The following KALRN variants were observed in gnomAD, a reference collection of about 807,000 sequenced individuals.
KALRN encodes the protein kalirin.
A neutral mutation model predicts 353.7 loss-of-function variants in KALRN; 70 were observed. That is an observed-to-expected ratio of 0.20 (90% CI 0.16 to 0.24). The LOEUF (loss-of-function observed/expected upper bound fraction) is 0.24, where lower values mean the gene tolerates loss of function less well. Among genes scored for constraint, KALRN ranks in the 10% least tolerant of loss-of-function variants. The pLI is 1.00. For missense variants in KALRN, 2,791 were observed against 3,756.7 expected (o/e 0.74, Z 6.72); for synonymous variants, 1,391 against 1,434.8 (o/e 0.97, Z 0.69).
intron 1 of KALRN, among the ~76,000 whole-genome samples, chr3:124,146,114 A>G (rs538864599): frequency 6.6e-6 from 1 of 152,326 alleles, no homozygotes; most frequent in East Asian, 1.9e-4. Flanking sequence ...AATTAAAACC[A>G]ATATCCAAAA....
At position 124,462,633 on chromosome 3, in the gene KALRN, A is replaced by C; in HGVS notation, c.4031A>C (p.Asn1344Thr). ...NIQEIYDFHN[N>T]IFLKELEKYE... The stretch of plus-strand genomic sequence containing the variant: ...CAAGAGATCTACGATTTCCATAACA[A>C]GTAGGTTTGTGGAGGGTCTCAGAGG... Residue 1344 changes from asparagine to threonine, a missense_variant and splice_region_variant, in exon 25 of 60, where the codon AAC becomes ACC. Physicochemically the swap from Asn to Thr is moderately conservative, Grantham distance 65 (BLOSUM62 0). Transcript: ENST00000682506. The C allele has an allele frequency of 6.3e-7, 1 of 1,582,108 alleles. No homozygotes were observed. Among genetic ancestry groups the C allele is most frequent in the Non-Finnish European group, 8.7e-7 (1 of 1,151,000 alleles).
intron 25 of KALRN, among the ~76,000 whole-genome samples, chr3:124,469,490 TG>T (rs1350835298): frequency 1.3e-5 from 2 of 152,234 alleles, no homozygotes; most frequent in African/African-American, 4.8e-5. Flanking sequence ...TTAGCCCCTA[TG>T]GTCTAGAGCC....
intron 27 of KALRN, among the ~76,000 whole-genome samples, chr3:124,477,654 A>G (rs2108101677): frequency 6.6e-6 from 1 of 152,298 alleles, no homozygotes; most frequent in Admixed American, 6.5e-5. Context: ...CTTCTGCTTC[A>G]TATACAGCTC....
At chr3:124,132,585 C>T (rs1164841281) in intron 1 of KALRN, among the ~76,000 whole-genome samples, 1 of 152,204 alleles carries the variant, frequency 6.6e-6, no homozygotes, top group African/African-American at 2.4e-5. Flanking sequence ...TCTTCTTTTA[C>T]ACACGGCAGG....
chr3:124,660,842 AT>A (rs2084775039), intron 43 of KALRN, 80 bp from the exon 44 acceptor site: 1 of 982,596 alleles, frequency 1.0e-6, no homozygotes, highest in Non-Finnish European at 1.6e-6. Context: ...GTGTTATTGT[AT>A]TTTTATGATA....
chr3:124,222,829 T>G (rs1000446189), intron 1 of KALRN, among the ~76,000 whole-genome samples: 1 of 152,104 alleles, frequency 6.6e-6, no homozygotes, highest in African/African-American at 2.4e-5. Flanking sequence ...GGTCTCAAAC[T>G]CCTGGGCTCA....
At chr3:124,065,264 C>A (rs1438699035) in intron 1 of KALRN, among the ~76,000 whole-genome samples, 1 of 152,188 alleles carries the variant, frequency 6.6e-6, no homozygotes, top group Non-Finnish European at 1.5e-5. Context: ...TGAGCCAACA[C>A]TGCAACAATT....
intron 15 of KALRN, among the ~76,000 whole-genome samples, chr3:124,425,845 T>C (rs1212264613): frequency 6.6e-6 from 1 of 152,200 alleles, no homozygotes; most frequent in Non-Finnish European, 1.5e-5. Flanking sequence ...AATAGGGAAG[T>C]AGACTGTCTA....
chr3:124,389,146 C>G (rs931272535), intron 11 of KALRN, among the ~76,000 whole-genome samples: 2 of 152,138 alleles, frequency 1.3e-5, no homozygotes, highest in Non-Finnish European at 2.9e-5. Context: ...TTCTTTCTTT[C>G]CTTCCTCCAT....
At chr3:124,137,761 A>G (rs1388268008) in intron 1 of KALRN, among the ~76,000 whole-genome samples, 7 of 152,132 alleles carry the variant, frequency 4.6e-5, no homozygotes, top group Non-Finnish European at 8.8e-5. Flanking sequence ...AAATGGGACT[A>G]CTGAGGTCTA....
chr3:124,666,361 C>T (rs2085620834), intron 45 of KALRN, 88 bp from the exon 46 acceptor site: 1 of 1,214,800 alleles, frequency 8.2e-7, no homozygotes, highest in Non-Finnish European at 1.2e-6. Flanking sequence ...TTGCCCGTAT[C>T]CCCAGATGGG....
chr3:124,126,882 A>T (rs1411581050), intron 1 of KALRN, among the ~76,000 whole-genome samples: 1 of 152,174 alleles, frequency 6.6e-6, no homozygotes. Context: ...CCACCCCTCA[A>T]TTATTCCCAT....
chr3:124,700,749 C>T (rs1188633088), intron 56 of KALRN, among the ~76,000 whole-genome samples: 1 of 152,026 alleles, frequency 6.6e-6, no homozygotes, highest in Non-Finnish European at 1.5e-5. Context: ...GGGCAGCTGA[C>T]TGTACTCGAA....
At chr3:124,359,623 A>G (rs1374750437) in intron 10 of KALRN, among the ~76,000 whole-genome samples, 4 of 152,216 alleles carry the variant, frequency 2.6e-5, no homozygotes, top group Non-Finnish European at 5.9e-5. Flanking sequence ...TCTGAGCCCC[A>G]GAGTTCTTCT....
At chr3:124,392,342 T>A (rs1416574400) in intron 11 of KALRN, among the ~76,000 whole-genome samples, 2 of 152,202 alleles carry the variant, frequency 1.3e-5, no homozygotes, top group Non-Finnish European at 2.9e-5. Flanking sequence ...TCAGACACTG[T>A]TGATAAGTAA....
In KALRN at chr3:124,215,694, A is replaced by G. The variant is rs1054325138; in HGVS notation, c.74-12296A>G. ...ACAGCTAATAAATACTGGAGCTGGG[A>G]GTCAGACTTCTGTCCAAAGTCTGTG... is the stretch of plus-strand genomic sequence containing the variant. On this transcript the variant is annotated intron_variant, in intron 1 of 59. Coordinates refer to ENST00000682506, the MANE Select transcript of KALRN (RefSeq NM_001388419.1). Among the ~76,000 whole-genome samples, 4 of 152,332 alleles carry G rather than the reference A, an allele frequency of 2.6e-5. No individual in the cohort carries two copies. In the South Asian group the frequency reaches 8.3e-4, roughly 32 times the overall value.
rs537560724 is a variant in KALRN, at chr3:124,134,351, C to T, written c.74-93639C>T. Among the ~76,000 whole-genome samples the T allele has an allele frequency of 3.9e-5, 6 of 152,276 alleles. No individual in the cohort carries two copies. The East Asian group carries it at 1.2e-3, about 29-fold the overall frequency. ...ACATGTAGAAGAATGAAACTGGATC[C>T]TCATCTCTCACCTTATACAAAAATC... On this transcript the variant is annotated intron_variant, in intron 1 of 59. Transcript: ENST00000682506.
At position 124,674,514 on chromosome 3, in the gene KALRN, G is replaced by A; in HGVS notation, c.7093G>A (p.Ala2365Thr). 6.2e-7 allele frequency: 1 copy of A among 1,613,918 alleles called. No homozygotes were observed. Among genetic ancestry groups the A allele is most frequent in the South Asian group, 1.1e-5 (1 of 91,002 alleles). Reference protein sequence around the residue: ...QQNMCLVYQPASDHSPAAEGW... With the variant: ...QQNMCLVYQPTSDHSPAAEGW... The stretch of plus-strand genomic sequence containing the variant: ...GAACATGTGTCTGGTGTACCAGCCT[G>A]CCAGCGACCATTCCCCCGCCGCCGA... Residue 2365 changes from alanine to threonine, a missense_variant, in exon 49 of 60, where the codon GCC becomes ACC. Transcript: ENST00000682506.
At chr3:124,561,768 G>C (rs897037832) in intron 33 of KALRN, among the ~76,000 whole-genome samples, 1 of 152,156 alleles carries the variant, frequency 6.6e-6, no homozygotes, top group South Asian at 2.1e-4. Context: ...AGGATAACAG[G>C]CTACCAAGCT....
Sources: gnomAD v4.1 joint callset for allele counts (sites outside exome capture counted in the v4.1 genomes callset) on GRCh38, gnomAD v4.1.1 for gene constraint, MANE v1.5 for transcripts, NCBI Gene and HGNC (gene_info 2026-07-23, HGNC 2026-07-21) for gene names.